LRRC4C: variants seen among roughly 807,000 people sequenced by gnomAD.
LRRC4C encodes the protein leucine rich repeat containing 4C, also known as leucine-rich repeat-containing protein 4C.
In LRRC4C, 5 loss-of-function variants were observed where a neutral mutation model predicts 33.6. The ratio of observed to expected loss-of-function variants is 0.15; its 90% CI spans 0.08 to 0.31. LRRC4C has a LOEUF of 0.31. LRRC4C is among the 10% of genes least tolerant of loss of function. The pLI, the probability that LRRC4C is intolerant of heterozygous loss-of-function variation, is 1.00. For missense variants in LRRC4C, 560 were observed against 796.7 expected, an observed-to-expected ratio of 0.70 and a Z score of 3.58; for synonymous variants, 329 against 302.0, an observed-to-expected ratio of 1.09 and a Z score of -0.93.
At chr11:41,002,123 A>T (rs1388124767) in intron 1 of LRRC4C, among the ~76,000 whole-genome samples, 1 of 152,176 alleles carries the variant, frequency 6.6e-6, no homozygotes, top group Non-Finnish European at 1.5e-5. Context: ...TGCTGAAGTT[A>T]AATATTAAAG....
chr11:40,234,846 C>T (rs746117272), intron 5 of LRRC4C, among the ~76,000 whole-genome samples: 6 of 152,176 alleles, frequency 3.9e-5, no homozygotes, highest in Non-Finnish European at 7.3e-5. Flanking sequence ...TAGTTTCTAT[C>T]CATAAGGTGC....
At chr11:40,937,115 G>A (rs1466688937) in intron 1 of LRRC4C, among the ~76,000 whole-genome samples, 5 of 152,176 alleles carry the variant, frequency 3.3e-5, no homozygotes, top group African/African-American at 1.2e-4. Context: ...ACATATAAAT[G>A]TGAAGTATTA....
At chr11:40,918,654 G>T (rs1957055644) in intron 2 of LRRC4C, among the ~76,000 whole-genome samples, 1 of 152,092 alleles carries the variant, frequency 6.6e-6, no homozygotes, top group Non-Finnish European at 1.5e-5. Context: ...ATTGTCTCTA[G>T]CAGGTTTGTC....
At chr11:41,140,417 A>C (rs1943451867) in intron 1 of LRRC4C, among the ~76,000 whole-genome samples, 1 of 140,802 alleles carries the variant, frequency 7.1e-6, no homozygotes, top group Non-Finnish European at 1.6e-5. Flanking sequence ...GAACTGTTTT[A>C]TTCCTACTGA....
At chr11:40,988,973 G>C (rs1418317493) in intron 1 of LRRC4C, among the ~76,000 whole-genome samples, 1 of 151,922 alleles carries the variant, frequency 6.6e-6, no homozygotes, top group Non-Finnish European at 1.5e-5. Flanking sequence ...GTGTGCCTTG[G>C]CCTCCTAAAG....
chr11:41,023,318 G>A (rs1041221607), intron 1 of LRRC4C, among the ~76,000 whole-genome samples: 1 of 151,754 alleles, frequency 6.6e-6, no homozygotes, highest in Non-Finnish European at 1.5e-5. Flanking sequence ...CAGTTGGTAG[G>A]AGTCTCACTG....
At chr11:40,161,389 G>A (rs924722008) in intron 5 of LRRC4C, among the ~76,000 whole-genome samples, 2 of 152,164 alleles carry the variant, frequency 1.3e-5, no homozygotes, top group Admixed American at 6.5e-5. Context: ...TTCTCAATGT[G>A]TAAATATTTT....
chr11:41,011,448 T>C (rs1236722525), intron 1 of LRRC4C, among the ~76,000 whole-genome samples: 2 of 152,198 alleles, frequency 1.3e-5, no homozygotes, highest in African/African-American at 4.8e-5. Flanking sequence ...CCAATGAAAA[T>C]TATTAAAATG....
chr11:41,353,841 A>C (rs184795074), intron 1 of LRRC4C, among the ~76,000 whole-genome samples: 1 of 152,262 alleles, frequency 6.6e-6, no homozygotes. Flanking sequence ...AAAAAACAAA[A>C]CAACGCAACA....
chr11:40,743,657 A>G (rs1486476541), intron 2 of LRRC4C, among the ~76,000 whole-genome samples: 2 of 152,132 alleles, frequency 1.3e-5, no homozygotes, highest in African/African-American at 4.8e-5. Context: ...CCTCCAGTCT[A>G]GTGAAAGTGA....
intron 3 of LRRC4C, among the ~76,000 whole-genome samples, chr11:40,336,945 C>G (rs538519421): frequency 1.6e-5 from 2 of 127,794 alleles, no homozygotes; most frequent in South Asian, 2.4e-4. Flanking sequence ...CCACTGCACT[C>G]CAGCCTGGGG....
At chr11:41,139,615 A>G (rs1018869103) in intron 1 of LRRC4C, among the ~76,000 whole-genome samples, 1 of 152,164 alleles carries the variant, frequency 6.6e-6, no homozygotes, top group Non-Finnish European at 1.5e-5. Context: ...AGTCCATTAA[A>G]CTTCTAGAAT....
chr11:40,749,959 C>A (rs1015667927), intron 2 of LRRC4C, among the ~76,000 whole-genome samples: 18 of 152,062 alleles, frequency 1.2e-4, no homozygotes, highest in Admixed American at 1.1e-3. Context: ...CCTGAACAGA[C>A]CAATAATTAG....
chr11:40,865,412 A>G (rs2135888405), intron 2 of LRRC4C, among the ~76,000 whole-genome samples: 1 of 152,116 alleles, frequency 6.6e-6, no homozygotes, highest in Non-Finnish European at 1.5e-5. Context: ...TTGTTCTTGG[A>G]AAATGCTAAA....
intron 5 of LRRC4C, among the ~76,000 whole-genome samples, chr11:40,211,823 G>A (rs563370280): frequency 2.3e-4 from 35 of 152,224 alleles, no homozygotes; most frequent in African/African-American, 8.4e-4. Flanking sequence ...TCTGCTTCCC[G>A]AAATGTTGAT....
chr11:40,983,365 C>A (rs1053737421), intron 1 of LRRC4C, among the ~76,000 whole-genome samples: 1 of 152,070 alleles, frequency 6.6e-6, no homozygotes, highest in Non-Finnish European at 1.5e-5. Flanking sequence ...AAAGTTAACT[C>A]AAAATGGATT....
At chr11:40,865,511 G>GTATATATATATATATATATA (rs68153820) in intron 2 of LRRC4C, among the ~76,000 whole-genome samples, 6 of 147,026 alleles carry the variant, frequency 4.1e-5, no homozygotes, top group African/African-American at 1.5e-4. Context: ...TCCACAGTGT[G>GTATATATATATATATATATA]TATATATATA....
intron 3 of LRRC4C, among the ~76,000 whole-genome samples, chr11:40,593,371 G>C (rs1959144647): frequency 6.6e-6 from 1 of 152,036 alleles, no homozygotes; most frequent in South Asian, 2.1e-4. Context: ...CACACTCCCT[G>C]TACACATACA....
At chr11:41,356,221 A>C (rs1026046072) in intron 1 of LRRC4C, among the ~76,000 whole-genome samples, 2 of 152,190 alleles carry the variant, frequency 1.3e-5, no homozygotes, top group African/African-American at 4.8e-5. Flanking sequence ...CAAAAAATGC[A>C]TACAGCAAGT....
Sources: allele counts gnomAD v4.1 joint callset (sites outside exome capture counted in the v4.1 genomes callset), GRCh38; gene constraint gnomAD v4.1.1; transcripts MANE v1.5; gene names NCBI Gene and HGNC (gene_info 2026-07-23, HGNC 2026-07-21).